The following FGF14 variants were observed in gnomAD, a reference collection of about 807,000 sequenced individuals.
The protein encoded by FGF14 is fibroblast growth factor homologous factor 4.
In FGF14, 5 loss-of-function variants were observed where a neutral mutation model predicts 25.5. The ratio of observed to expected loss-of-function variants is 0.20; its 90% confidence interval spans 0.10 to 0.41. The LOEUF is 0.41. FGF14 is among the 10% of genes least tolerant of loss of function. FGF14 has a pLI of 1.00. For missense variants in FGF14, 222 were observed against 320.1 expected (o/e 0.69, Z 2.34); for synonymous variants, 138 against 118.3 (o/e 1.17, Z -1.08).
At chr13:102,026,019 C>T in intron 1 of FGF14, among the ~76,000 whole-genome samples, 1 of 151,912 alleles carries the variant, frequency 6.6e-6, no homozygotes. Flanking sequence ...ACATTTTTGT[C>T]TTATTCCTTG....
chr13:102,177,312 C>T (rs1343700351), intron 1 of FGF14, among the ~76,000 whole-genome samples: 1 of 152,176 alleles, frequency 6.6e-6, no homozygotes, highest in African/African-American at 2.4e-5. Context: ...CCTCTGGAAG[C>T]TACACAGTGT....
At chr13:101,990,442 CT>C (rs11321813) in intron 1 of FGF14, among the ~76,000 whole-genome samples, 75,785 of 151,920 alleles carry the variant, frequency 0.5, 22,357 homozygotes, top group African/African-American at 0.81. Context: ...TATCAAAATC[CT>C]TTTTTTATGT....
chr13:102,051,515 C>A (rs1270985200), intron 1 of FGF14, among the ~76,000 whole-genome samples: 1 of 152,130 alleles, frequency 6.6e-6, no homozygotes, highest in African/African-American at 2.4e-5. Context: ...ACCTGCTGAG[C>A]CATAACTTCC....
intron 1 of FGF14, among the ~76,000 whole-genome samples, chr13:101,901,658 C>T (rs71441528): frequency 1.8e-3 from 274 of 152,138 alleles, no homozygotes; most frequent in Non-Finnish European, 3.5e-3. Flanking sequence ...GAGCCGAGAT[C>T]GCACCACTGC....
Position 102,023,833 on chromosome 13 carries a change from T to C in FGF14, c.209-148537A>G, listed in dbSNP as rs144029424. ...ATTGGCATAAGGATCATTGAAATAA[T>C]GCACAAGAGGAGAATAAAATAACAA... is the stretch of plus-strand genomic sequence containing the variant. On this transcript the variant is annotated intron_variant, in intron 1 of 4. Transcript: ENST00000376131. Among the ~76,000 whole-genome samples the C allele has an allele frequency of 2.0e-4, 30 of 152,110 alleles. No individual in the cohort carries two copies. In the East Asian group the frequency reaches 5.8e-3, roughly 30 times the overall value.
In FGF14 at chr13:101,714,288, C is replaced by A; in HGVS notation, c.*8543G>T. 1.6e-6 allele frequency: 1 copy of A among 631,798 alleles called. No individual in the cohort carries two copies. The highest frequency in any genetic ancestry group is 2.7e-5 in the East Asian group (1 of 37,442). 39.1% of individuals were successfully genotyped at this position (631,798 alleles called of 1,614,324 possible). A position where few individuals can be genotyped will look rare whatever the true frequency, so the allele number is the denominator to read the frequency against. ...CCTTTATGAATTACAGTAAGTAAAGCTCCCCTCTGAGAAACCAGCCATTCA... is the reference window on the plus strand; with the variant it reads ...CCTTTATGAATTACAGTAAGTAAAGATCCCCTCTGAGAAACCAGCCATTCA... On this transcript the variant is annotated 3_prime_UTR_variant, in exon 5 of 5. Coordinates refer to ENST00000376143, the MANE Select transcript of FGF14 (RefSeq NM_004115.4).
At chr13:102,074,427 A>G (rs1338881290) in intron 1 of FGF14, among the ~76,000 whole-genome samples, 2 of 152,224 alleles carry the variant, frequency 1.3e-5, no homozygotes, top group Non-Finnish European at 2.9e-5. Flanking sequence ...ACTCTCAGAT[A>G]TTGACACCTG....
chr13:102,200,730 A>C (rs1375955673), intron 1 of FGF14, among the ~76,000 whole-genome samples: 1 of 151,970 alleles, frequency 6.6e-6, no homozygotes, highest in African/African-American at 2.4e-5. Context: ...GGGCAGCACC[A>C]AGTAGGTGGA....
chr13:102,188,733 A>G (rs140830250), intron 1 of FGF14, among the ~76,000 whole-genome samples: 6,199 of 152,050 alleles, frequency 0.041, 426 homozygotes, highest in African/African-American at 0.14. Flanking sequence ...TGAGGCCAGA[A>G]GTTCGAGACC....
chr13:101,950,266 C>A (rs1161569069), intron 1 of FGF14, among the ~76,000 whole-genome samples: 1 of 152,178 alleles, frequency 6.6e-6, no homozygotes. Context: ...AACTAAGCTA[C>A]TAGTAGTTGG....
intron 1 of FGF14, among the ~76,000 whole-genome samples, chr13:102,065,772 T>C (rs8002743): frequency 0.41 from 62,625 of 151,732 alleles, 13,314 homozygotes; most frequent in East Asian, 0.7. Flanking sequence ...ATGTATATTA[T>C]ATATTTGTAA....
chr13:101,992,276 G>T (rs2038953253), intron 1 of FGF14, among the ~76,000 whole-genome samples: 2 of 152,238 alleles, frequency 1.3e-5, no homozygotes, highest in African/African-American at 4.8e-5. Flanking sequence ...GCCAGTCACA[G>T]AAATTTTAGC....
At chr13:101,911,532 C>A (rs1351136735) in intron 1 of FGF14, among the ~76,000 whole-genome samples, 1 of 152,064 alleles carries the variant, frequency 6.6e-6, no homozygotes, top group African/African-American at 2.4e-5. Flanking sequence ...AAACCTATAG[C>A]AAATATGGAC....
At chr13:102,345,992 A>G (rs931906247) in intron 1 of FGF14, among the ~76,000 whole-genome samples, 1 of 152,218 alleles carries the variant, frequency 6.6e-6, no homozygotes, top group Non-Finnish European at 1.5e-5. Flanking sequence ...ATGATGGAAT[A>G]TATAGTTCTC....
intron 1 of FGF14, among the ~76,000 whole-genome samples, chr13:102,265,401 T>A (rs1261058961): frequency 6.6e-6 from 1 of 152,086 alleles, no homozygotes; most frequent in African/African-American, 2.4e-5. Flanking sequence ...CTGTTGTCGA[T>A]CTCCATCAGA....
chr13:102,222,549 C>G (rs2050659782), intron 1 of FGF14, among the ~76,000 whole-genome samples: 2 of 152,160 alleles, frequency 1.3e-5, no homozygotes, highest in East Asian at 3.8e-4. Context: ...GAAGGGCATC[C>G]CTAGCTGTTA....
At chr13:102,095,386 T>C (rs546613410) in intron 1 of FGF14, among the ~76,000 whole-genome samples, 24 of 152,264 alleles carry the variant, frequency 1.6e-4, no homozygotes, top group African/African-American at 5.8e-4. Context: ...GAGATTCCTT[T>C]TGACTTCTTT....
At chr13:101,724,597 A>AATATATATATATATATATATATATATAT (rs201033233) in intron 4 of FGF14, among the ~76,000 whole-genome samples, 14 of 121,276 alleles carry the variant, frequency 1.2e-4, no homozygotes, top group East Asian at 2.3e-4. Flanking sequence ...ATAATAATAA[A>AATATATATATATATATATATATATATAT]ATATATATAT....
intron 1 of FGF14, among the ~76,000 whole-genome samples, chr13:102,193,204 G>A (rs1441773704): frequency 2.0e-5 from 3 of 152,100 alleles, no homozygotes; most frequent in African/African-American, 7.2e-5. Flanking sequence ...CATGCCAGCA[G>A]CACACTTTGC....
Sources: allele counts gnomAD v4.1 joint callset (sites outside exome capture counted in the v4.1 genomes callset), GRCh38; gene constraint gnomAD v4.1.1; transcripts MANE v1.5; gene names NCBI Gene and HGNC (gene_info 2026-07-23, HGNC 2026-07-21).